The following RIMKLB variants were observed in gnomAD, a reference collection of about 807,000 sequenced individuals.
The protein encoded by RIMKLB is beta-citrylglutamate synthase B.
In RIMKLB, 7 loss-of-function variants were observed where a neutral mutation model predicts 32.0. That is an observed-to-expected ratio of 0.22 (90% CI 0.12 to 0.41). The LOEUF (loss-of-function observed/expected upper bound fraction) is 0.41, where lower values mean the gene tolerates loss of function less well. RIMKLB is among the 10% of genes least tolerant of loss of function. The probability of loss-of-function intolerance (pLI) is 1.00; values close to 1 mark genes in which losing one functional copy is unlikely to be tolerated. For synonymous variants in RIMKLB, 172 were observed against 185.1 expected, an observed-to-expected ratio of 0.93 and a Z score of 0.57; for missense variants, 289 against 498.7, an observed-to-expected ratio of 0.58 and a Z score of 4.00.
chr12:8,716,957 A>G (rs1944915847), intron 2 of RIMKLB, among the ~76,000 whole-genome samples: 1 of 151,218 alleles, frequency 6.6e-6, no homozygotes, highest in Admixed American at 6.6e-5. Flanking sequence ...AATCTTCAGA[A>G]GCTTACTTTT....
At chr12:8,681,700 T>C (rs1338762492) in exon 1 of RIMKLB, 1 of 152,228 alleles carries the variant, frequency 6.6e-6, no homozygotes, top group Non-Finnish European at 1.5e-5. Flanking sequence ...TATGGATTCG[T>C]GGGCTGCTTC....
chr12:8,756,630 G>GT (rs1291459405), intron 5 of RIMKLB, among the ~76,000 whole-genome samples: 1 of 149,760 alleles, frequency 6.7e-6, no homozygotes, highest in Non-Finnish European at 1.5e-5. Flanking sequence ...ACATGATAGA[G>GT]TAAGAACACA....
At chr12:8,677,133 G>A (rs1290200009), upstream of RIMKLB, among the ~76,000 whole-genome samples, 1 of 152,012 alleles carries the variant, frequency 6.6e-6, no homozygotes, top group African/African-American at 2.4e-5. Flanking sequence ...GTAGTTTTTC[G>A]TTTTCCACCA....
chr12:8,725,954 T>C (rs1440532411), intron 2 of RIMKLB, among the ~76,000 whole-genome samples: 1 of 152,194 alleles, frequency 6.6e-6, no homozygotes, highest in African/African-American at 2.4e-5. Context: ...TTCAAGCGAT[T>C]CTCCTGTCTC....
At chr12:8,693,029 C>T (rs1353563871), upstream of RIMKLB, among the ~76,000 whole-genome samples, 1 of 152,232 alleles carries the variant, frequency 6.6e-6, no homozygotes, top group Non-Finnish European at 1.5e-5. Flanking sequence ...TTACAATTCT[C>T]TTTACTACTT....
intron 1 of RIMKLB, among the ~76,000 whole-genome samples, chr12:8,701,668 A>G (rs777602867): frequency 2.7e-4 from 40 of 147,616 alleles, no homozygotes; most frequent in Non-Finnish European, 4.4e-4. Context: ...TTTTTTTAAG[A>G]GAACCCGAAA....
chr12:8,782,449 T>G (rs1487294758), intron 7 of RIMKLB, among the ~76,000 whole-genome samples: 1 of 152,164 alleles, frequency 6.6e-6, no homozygotes, highest in Non-Finnish European at 1.5e-5. Context: ...CTAAAATAAG[T>G]CACAAAACTT....
At chr12:8,731,295 G>A (rs182686189) in intron 2 of RIMKLB, among the ~76,000 whole-genome samples, 7 of 151,320 alleles carry the variant, frequency 4.6e-5, no homozygotes, top group Non-Finnish European at 8.8e-5. Flanking sequence ...ACAGGGTTTC[G>A]CCACGTTGGC....
chr12:8,689,930 TC>T (rs1250058780), intron 1 of RIMKLB, among the ~76,000 whole-genome samples: 1 of 151,950 alleles, frequency 6.6e-6, no homozygotes, highest in East Asian at 1.9e-4. Flanking sequence ...AAATTCCACC[TC>T]CCCCATCCCC....
At chr12:8,759,091 A>T (rs747433449) in intron 5 of RIMKLB, among the ~76,000 whole-genome samples, 20 of 152,320 alleles carry the variant, frequency 1.3e-4, no homozygotes, top group Non-Finnish European at 2.2e-4. Flanking sequence ...TTGATGGAAC[A>T]AAATACATAT....
intron 5 of RIMKLB, among the ~76,000 whole-genome samples, chr12:8,760,071 A>T (rs968333351): frequency 6.6e-6 from 1 of 152,126 alleles, no homozygotes. Context: ...CATTAGGTAT[A>T]TCTCCTAATG....
chr12:8,767,777 TAGAA>T (rs1424390591), intron 5 of RIMKLB, among the ~76,000 whole-genome samples: 3 of 152,172 alleles, frequency 2.0e-5, no homozygotes, highest in Admixed American at 2.0e-4. Flanking sequence ...TTGGGTTTGT[TAGAA>T]AGCTCTTTCC....
intron 2 of RIMKLB, among the ~76,000 whole-genome samples, chr12:8,745,045 CTG>C (rs1221973157): frequency 6.6e-5 from 10 of 151,908 alleles, no homozygotes; most frequent in Non-Finnish European, 7.3e-5. Flanking sequence ...CACCCTGTGT[CTG>C]TGTGTTCTCA....
upstream of RIMKLB, among the ~76,000 whole-genome samples, chr12:8,680,979 AG>A (rs1221538919): frequency 6.8e-6 from 1 of 146,694 alleles, no homozygotes; most frequent in Non-Finnish European, 1.5e-5. Flanking sequence ...GCTGTTCTTC[AG>A]GTCTGGTCTT....
At chr12:8,754,669 C>T (rs1948872129) in intron 5 of RIMKLB, among the ~76,000 whole-genome samples, 1 of 152,112 alleles carries the variant, frequency 6.6e-6, no homozygotes, top group Non-Finnish European at 1.5e-5. Flanking sequence ...TTTTTCCCTG[C>T]TCCACCTCCA....
intron 5 of RIMKLB, among the ~76,000 whole-genome samples, chr12:8,770,514 C>A (rs989322009): frequency 2.0e-5 from 3 of 152,152 alleles, no homozygotes; most frequent in African/African-American, 7.2e-5. Context: ...GTTTACTCCT[C>A]ATATTCATCT....
exon 1 of RIMKLB, chr12:8,681,710 C>T (rs1942411859): frequency 6.6e-6 from 1 of 152,190 alleles, no homozygotes; most frequent in Non-Finnish European, 1.5e-5. Flanking sequence ...TGGGCTGCTT[C>T]CACCTGCTAG....
intron 2 of RIMKLB, among the ~76,000 whole-genome samples, chr12:8,730,820 A>C (rs1205490748): frequency 6.6e-6 from 1 of 151,396 alleles, no homozygotes; most frequent in African/African-American, 2.4e-5. Context: ...GCCCACTGCA[A>C]CCTCCTCCTC....
intron 5 of RIMKLB, among the ~76,000 whole-genome samples, chr12:8,761,334 C>CCTT (rs1181364028): frequency 6.8e-6 from 1 of 146,674 alleles, no homozygotes; most frequent in Non-Finnish European, 1.5e-5. Flanking sequence ...TAAAAATAAA[C>CCTT]CTTCTTTGGA....
Sources: gnomAD v4.1 joint callset for allele counts (sites outside exome capture counted in the v4.1 genomes callset) on GRCh38, gnomAD v4.1.1 for gene constraint, MANE v1.5 for transcripts, NCBI Gene and HGNC (gene_info 2026-07-23, HGNC 2026-07-21) for gene names.